MIDEAS: variants seen among roughly 807,000 people sequenced by gnomAD.
MIDEAS encodes mitotic deacetylase-associated SANT domain protein.
MIDEAS carries 26 observed loss-of-function variants against 102.7 expected under a neutral mutation model. The ratio of observed to expected loss-of-function variants is 0.25; its 90% CI spans 0.19 to 0.35. MIDEAS has a LOEUF of 0.35. Ranked by LOEUF, MIDEAS falls within the 10% of genes least tolerant of loss-of-function variation. The pLI is 1.00. For synonymous variants in MIDEAS, 585 were observed against 591.0 expected, an observed-to-expected ratio of 0.99 and a Z score of 0.15; for missense variants, 1,231 against 1,435.6, an observed-to-expected ratio of 0.86 and a Z score of 2.30.
chr14:73,740,047 A>C lies in MIDEAS; in HGVS notation c.-39T>G. On this transcript the variant is annotated 5_prime_UTR_variant, in exon 2 of 13. It removes the in-frame stop codon of an upstream open reading frame in the 5' UTR. Transcript: ENST00000423556. ...GAGCCCTGGCGGTGAGATCCCCTTC[A>C]ACAGTCGCCCATCCCCTGGGGAAAC... The C allele has an allele frequency of 6.9e-7, 1 of 1,441,116 alleles. No individual in the cohort carries two copies. The highest frequency in any genetic ancestry group is 1.4e-5 in the African/African-American group (1 of 69,876). The allele number at this position is 1,441,116 out of a possible 1,614,324, so 89.3% of individuals were successfully genotyped here.
chr14:73,752,069 C>G, intron 1 of MIDEAS, among the ~76,000 whole-genome samples: 1 of 152,174 alleles, frequency 6.6e-6, no homozygotes, highest in East Asian at 1.9e-4. Context: ...GCCACAGCCA[C>G]CCATATCTCC....
intron 9 of MIDEAS, chr14:73,724,083 T>C (rs550526089): frequency 2.6e-5 from 4 of 152,268 alleles, no homozygotes; most frequent in South Asian, 4.1e-4. Context: ...AAATAGCAAA[T>C]GGGGTTAAGT....
chr14:73,774,218 G>T (rs559206221), intron 1 of MIDEAS, among the ~76,000 whole-genome samples: 3 of 151,588 alleles, frequency 2.0e-5, no homozygotes, highest in African/African-American at 7.3e-5. Context: ...AGGAATTTTC[G>T]AACAGGAAAG....
At chr14:73,758,485 C>T (rs2053513050) in intron 1 of MIDEAS, among the ~76,000 whole-genome samples, 1 of 152,220 alleles carries the variant, frequency 6.6e-6, no homozygotes, top group Non-Finnish European at 1.5e-5. Context: ...TGGCCAGGCT[C>T]CCCCTGCTGG....
At chr14:73,733,841 C>T (rs1308498436) in intron 3 of MIDEAS, among the ~76,000 whole-genome samples, 1 of 151,894 alleles carries the variant, frequency 6.6e-6, no homozygotes, top group African/African-American at 2.4e-5. Flanking sequence ...ATTACAGGCA[C>T]ACACCATCAT....
At chr14:73,761,107 G>C (rs1566604365), upstream of MIDEAS, among the ~76,000 whole-genome samples, 1 of 152,110 alleles carries the variant, frequency 6.6e-6, no homozygotes. Context: ...CGGCGGCGGT[G>C]GTGGCGGTGG....
At chr14:73,784,634 AC>A (rs144191248) in intron 1 of MIDEAS, among the ~76,000 whole-genome samples, 1,659 of 152,310 alleles carry the variant, frequency 0.011, 33 homozygotes, top group African/African-American at 0.038. Context: ...ACAGCCAGGC[AC>A]CAGCAGGCCT....
In MIDEAS at chr14:73,738,157, G is replaced by T. The variant is rs552897601; in HGVS notation, c.1449+403C>A. Among the ~76,000 whole-genome samples the T allele has an allele frequency of 2.0e-5, 3 of 152,118 alleles. No individual in the cohort carries two copies. The South Asian group carries it at 6.2e-4, about 32-fold the overall frequency. Reference sequence around the variant, plus strand: ...TCACGCCTGTAATCCTAGCACTTTGGGGGGCTGAGGCAGGCAGATCACGAG... The same window carrying T: ...TCACGCCTGTAATCCTAGCACTTTGTGGGGCTGAGGCAGGCAGATCACGAG... On this transcript the variant is annotated intron_variant, in intron 2 of 12. Transcript: ENST00000423556.
chr14:73,737,768 G>A (rs1235154884), intron 2 of MIDEAS, among the ~76,000 whole-genome samples: 3 of 136,668 alleles, frequency 2.2e-5, no homozygotes, highest in Non-Finnish European at 3.1e-5. Flanking sequence ...CCTTTTCTCC[G>A]ACCACTTTTT....
At chr14:73,767,085 C>T (rs1001789573) in intron 1 of MIDEAS, among the ~76,000 whole-genome samples, 1 of 150,896 alleles carries the variant, frequency 6.6e-6, no homozygotes, top group African/African-American at 2.4e-5. Flanking sequence ...AAACTCCTGA[C>T]CTCAAGTGAT....
rs1188587604 is a variant in MIDEAS, at chr14:73,759,682, A to T, written c.-248+81T>A. 5.3e-5 allele frequency: 8 copies of T among 150,838 alleles called. No individual in the cohort carries two copies. The highest frequency in any genetic ancestry group is 1.2e-4 in the Non-Finnish European group (8 of 67,618). The allele number at this position is 150,838 out of a possible 1,614,324, so 9.3% of individuals were successfully genotyped here. ...GCTGCAACCCGCCGTGCGAGCAGCCACAGCTCGCGCGCCGCCTGGGGTCCC... is the reference window on the plus strand; with the variant it reads ...GCTGCAACCCGCCGTGCGAGCAGCCTCAGCTCGCGCGCCGCCTGGGGTCCC... On this transcript the variant is annotated intron_variant, in intron 1 of 12. Coordinates refer to ENST00000423556, the MANE Select transcript of MIDEAS (RefSeq NM_001367710.1). This position sits in a 1 kb window ranked among gnomAD's most constrained non-coding sequence, Gnocchi z 6.7.
At chr14:73,783,474 G>C (rs2053775036) in intron 1 of MIDEAS, among the ~76,000 whole-genome samples, 1 of 152,212 alleles carries the variant, frequency 6.6e-6, no homozygotes, top group African/African-American at 2.4e-5. Flanking sequence ...GCAAAGGTCA[G>C]ACCCCTGTGG....
intron 3 of MIDEAS, among the ~76,000 whole-genome samples, 153 bp downstream of exon 3, chr14:73,736,845 G>A (rs1307100875): frequency 1.3e-5 from 2 of 152,106 alleles, no homozygotes; most frequent in Non-Finnish European, 2.9e-5. Context: ...CCTTCTGGAC[G>A]TCTGTCCAGA....
intron 9 of MIDEAS, chr14:73,724,988 T>C (rs1035690871): frequency 6.5e-6 from 2 of 309,604 alleles, no homozygotes; most frequent in African/African-American, 4.3e-5. Flanking sequence ...CTCCGCATCT[T>C]CCTCCTGCCT....
intron 1 of MIDEAS, among the ~76,000 whole-genome samples, chr14:73,750,482 G>A (rs184036417): frequency 5.9e-5 from 9 of 152,278 alleles, no homozygotes; most frequent in African/African-American, 1.9e-4. Context: ...TCCAGACTGG[G>A]GGTATCTGTA....
chr14:73,718,572 G>C lies in MIDEAS; in HGVS notation c.*271C>G, dbSNP rs913040208. On this transcript the variant is annotated 3_prime_UTR_variant, in exon 13 of 13. Coordinates refer to ENST00000423556, the MANE Select transcript of MIDEAS (RefSeq NM_001367710.1). ...TGTGAGAGGCGGTGGAGTCCCTCCC[G>C]AGGGGACCGGGACTCTCCCGGTCCA... 6.2e-6 allele frequency: 2 copies of C among 320,466 alleles called. No homozygotes were observed. The highest frequency in any genetic ancestry group is 9.9e-5 in the East Asian group (2 of 20,260). 19.9% of individuals were successfully genotyped at this position (320,466 alleles called of 1,614,324 possible). A position where few individuals can be genotyped will look rare whatever the true frequency, so the allele number is the denominator to read the frequency against.
intron 1 of MIDEAS, among the ~76,000 whole-genome samples, chr14:73,774,047 A>G (rs1197202371): frequency 6.6e-6 from 1 of 151,458 alleles, no homozygotes; most frequent in Non-Finnish European, 1.5e-5. Context: ...AAGAAAAAAG[A>G]AAAGCAAGTC....
chr14:73,741,613 C>T (rs1187893236), intron 1 of MIDEAS, among the ~76,000 whole-genome samples: 4 of 152,182 alleles, frequency 2.6e-5, no homozygotes, highest in Admixed American at 2.0e-4. Flanking sequence ...GGCCCACCCC[C>T]AGCACCAGGA....
Position 73,725,215 on chromosome 14 carries a change from C to G in MIDEAS, c.2574+57G>C. ...GATTGGTCACTGGCAGAGGGAGCCCCAAAGTCACACAGGCAGCTCCTGGCC... is the reference window on the plus strand; with the variant it reads ...GATTGGTCACTGGCAGAGGGAGCCCGAAAGTCACACAGGCAGCTCCTGGCC... On this transcript the variant is annotated intron_variant, in intron 9 of 12. Coordinates refer to ENST00000423556, the MANE Select transcript of MIDEAS (RefSeq NM_001367710.1). The surrounding 1 kb of genome is among the most constrained non-coding windows in gnomAD (Gnocchi z 4.1). 6.8e-7 allele frequency: 1 copy of G among 1,464,474 alleles called. No homozygotes were observed. Among genetic ancestry groups the G allele is most frequent in the Admixed American group, 1.7e-5 (1 of 59,802 alleles). The allele number at this position is 1,464,474 out of a possible 1,614,324, so 90.7% of individuals were successfully genotyped here.
Sources: allele counts gnomAD v4.1 joint callset (sites outside exome capture counted in the v4.1 genomes callset), GRCh38; gene constraint gnomAD v4.1.1; non-coding constraint Gnocchi (gnomAD v3.1); transcripts MANE v1.5; gene names NCBI Gene and HGNC (gene_info 2026-07-23, HGNC 2026-07-21).